The following APBB1IP variants were observed in gnomAD, a reference collection of about 807,000 sequenced individuals.
The protein encoded by APBB1IP is amyloid beta A4 precursor protein-binding family B member 1-interacting protein.
Under a neutral mutation model 64.9 loss-of-function variants are expected in APBB1IP, and 27 were observed. That is an observed-to-expected ratio of 0.42 (90% CI 0.31 to 0.57). The LOEUF is 0.57. Ranked by LOEUF, APBB1IP falls within the 20% of genes least tolerant of loss-of-function variation. APBB1IP has a pLI of 0.20. For missense variants in APBB1IP, 812 were observed against 845.5 expected (o/e 0.96, Z 0.49); for synonymous variants, 392 against 331.0 (o/e 1.18, Z -2.00).
rs1588606338 is a variant in APBB1IP at position 26,530,245 on chromosome 10, T to TC, written c.814-3194_814-3193insC. On this transcript the variant is annotated intron_variant, in intron 8 of 14. Coordinates refer to ENST00000376236, the MANE Select transcript of APBB1IP (RefSeq NM_019043.4). ...TTCTTTTTCTTTTTTTTTTTTTTTT[T>TC]GAGACGAGGCCCCCACTGTGTGACC... 6.0e-5 allele frequency among the ~76,000 whole-genome samples: 9 copies of TC among 150,556 alleles called. No homozygotes were observed. In the East Asian group the frequency reaches 1.7e-3, roughly 29 times the overall value.
intron 2 of APBB1IP, among the ~76,000 whole-genome samples, chr10:26,448,861 G>A (rs1036554883): frequency 1.4e-4 from 22 of 152,126 alleles, no homozygotes; most frequent in South Asian, 6.2e-4. Context: ...ACCCACATCC[G>A]GCAAAATGTG....
intron 11 of APBB1IP, among the ~76,000 whole-genome samples, chr10:26,550,597 G>GT (rs1016267461): frequency 1.3e-5 from 2 of 151,570 alleles, no homozygotes; most frequent in African/African-American, 2.4e-5. Context: ...GGATTTGTTT[G>GT]TTTTTTTAAT....
intron 11 of APBB1IP, among the ~76,000 whole-genome samples, chr10:26,549,578 C>G (rs905715317): frequency 6.6e-6 from 1 of 151,714 alleles, no homozygotes; most frequent in Non-Finnish European, 1.5e-5. Flanking sequence ...GTCATGTTTT[C>G]CTAGGTTTTC....
intron 8 of APBB1IP, among the ~76,000 whole-genome samples, chr10:26,532,421 A>G (rs1192990416): frequency 6.6e-6 from 1 of 152,174 alleles, no homozygotes; most frequent in Non-Finnish European, 1.5e-5. Flanking sequence ...CCAGAAATTA[A>G]TACAAACCAT....
intron 3 of APBB1IP, 52 bp from the exon 4 acceptor site, chr10:26,496,252 A>T: frequency 7.3e-7 from 1 of 1,370,266 alleles, no homozygotes; most frequent in Non-Finnish European, 1.0e-6. Flanking sequence ...AAAGTGTGCT[A>T]CAGAAATGTT....
At chr10:26,523,487 G>A (rs1836430724) in intron 8 of APBB1IP, among the ~76,000 whole-genome samples, 1 of 152,202 alleles carries the variant, frequency 6.6e-6, no homozygotes, top group South Asian at 2.1e-4. Flanking sequence ...TTCTGTGTGG[G>A]TGCAGGTGAG....
At chr10:26,558,289 C>G (rs983727786) in intron 11 of APBB1IP, among the ~76,000 whole-genome samples, 1 of 152,106 alleles carries the variant, frequency 6.6e-6, no homozygotes, top group African/African-American at 2.4e-5. Context: ...GTTGCCGGCC[C>G]CTCGCCTGAT....
chr10:26,538,394 G>A (rs1203656352), intron 10 of APBB1IP, among the ~76,000 whole-genome samples: 1 of 151,892 alleles, frequency 6.6e-6, no homozygotes, highest in Admixed American at 6.6e-5. Context: ...TGTAATCCCA[G>A]CACTTTGGGA....
At chr10:26,478,826 A>G (rs914950819) in intron 2 of APBB1IP, among the ~76,000 whole-genome samples, 1 of 152,102 alleles carries the variant, frequency 6.6e-6, no homozygotes, top group Non-Finnish European at 1.5e-5. Context: ...TGGAGCCAGA[A>G]TCTCTGGGGC....
intron 8 of APBB1IP, among the ~76,000 whole-genome samples, chr10:26,524,683 G>A (rs1231006280): frequency 1.3e-5 from 2 of 152,128 alleles, no homozygotes; most frequent in Non-Finnish European, 2.9e-5. Flanking sequence ...TCTTGAGTTA[G>A]CAATTGGTTG....
intron 2 of APBB1IP, among the ~76,000 whole-genome samples, chr10:26,456,646 G>T (rs535998846): frequency 5.3e-5 from 8 of 151,192 alleles, no homozygotes; most frequent in Non-Finnish European, 1.2e-4. Flanking sequence ...GGCTGAGGTG[G>T]GAGGATGGCT....
At chr10:26,470,837 A>G (rs1338381668) in intron 2 of APBB1IP, among the ~76,000 whole-genome samples, 1 of 151,872 alleles carries the variant, frequency 6.6e-6, no homozygotes, top group African/African-American at 2.4e-5. Context: ...ATCATCTCTC[A>G]CCAACCTCAG....
At chr10:26,527,685 C>CTTTTTT (rs768509910) in intron 8 of APBB1IP, among the ~76,000 whole-genome samples, 55 of 68,594 alleles carry the variant, frequency 8.0e-4, no homozygotes, top group East Asian at 1.7e-3. Context: ...AGGTCCATGT[C>CTTTTTT]TTTTTTTTTT....
chr10:26,505,785 G>A (rs1836167617), intron 6 of APBB1IP, among the ~76,000 whole-genome samples: 1 of 150,376 alleles, frequency 6.6e-6, no homozygotes, highest in African/African-American at 2.5e-5. Flanking sequence ...CCTTAACAAT[G>A]GATAAATCAT....
intron 2 of APBB1IP, among the ~76,000 whole-genome samples, chr10:26,439,763 C>T (rs1371288688): frequency 1.3e-5 from 2 of 152,192 alleles, no homozygotes; most frequent in East Asian, 3.8e-4. Flanking sequence ...TTTATTATGC[C>T]CCCAGATGTT....
chr10:26,550,712 T>C (rs1463713642), intron 11 of APBB1IP, among the ~76,000 whole-genome samples: 5 of 152,260 alleles, frequency 3.3e-5, no homozygotes, highest in Non-Finnish European at 7.3e-5. Context: ...TTTGAATTCT[T>C]TGTCTGCCAG....
chr10:26,448,897 G>A (rs1835430419), intron 2 of APBB1IP, among the ~76,000 whole-genome samples: 1 of 152,146 alleles, frequency 6.6e-6, no homozygotes, highest in Non-Finnish European at 1.5e-5. Flanking sequence ...CAACCATGGT[G>A]GTCAACTCTT....
intron 8 of APBB1IP, among the ~76,000 whole-genome samples, chr10:26,532,826 G>A (rs77156150): frequency 0.017 from 2,652 of 152,196 alleles, 60 homozygotes; most frequent in African/African-American, 0.06. Context: ...TCTTTGTTTA[G>A]GCTGGTTTTC....
intron 11 of APBB1IP, among the ~76,000 whole-genome samples, chr10:26,545,658 G>C (rs1393569767): frequency 1.3e-5 from 2 of 152,080 alleles, no homozygotes; most frequent in African/African-American, 4.8e-5. Context: ...TACTCGAGAG[G>C]CTGAGGCAGG....
Sources: gnomAD v4.1 joint callset for allele counts (sites outside exome capture counted in the v4.1 genomes callset) on GRCh38, gnomAD v4.1.1 for gene constraint, MANE v1.5 for transcripts, NCBI Gene and HGNC (gene_info 2026-07-23, HGNC 2026-07-21) for gene names.